GPR161: variants seen among roughly 807,000 people sequenced by gnomAD.
GPR161 encodes the protein G-protein coupled receptor RE2.
A neutral mutation model predicts 39.2 loss-of-function variants in GPR161; 25 were observed. The observed-to-expected ratio is 0.64, with a 90% CI of 0.47 to 0.89. The LOEUF is 0.89. GPR161 is among the 40% of genes least tolerant of loss of function. GPR161 has a pLI of 0.00. For missense variants in GPR161, 547 were observed against 677.8 expected (o/e 0.81, Z 2.14); for synonymous variants, 286 against 276.6 (o/e 1.03, Z -0.34).
chr1:168,132,351 G>T (rs980784213), intron 1 of GPR161, among the ~76,000 whole-genome samples: 2 of 152,000 alleles, frequency 1.3e-5, no homozygotes, highest in Non-Finnish European at 2.9e-5. Flanking sequence ...ACTTTGGGAG[G>T]TCGAGGCGGG....
At chr1:168,137,494 G>T, upstream of GPR161, 1 of 1,034,656 alleles carries the variant, frequency 9.7e-7, no homozygotes, top group Non-Finnish European at 1.4e-6. Flanking sequence ...AGCCAGCCCC[G>T]GGGAGTGGGG....
At chr1:168,087,860 C>G (rs531117794) in intron 4 of GPR161, 156 bp from the exon 5 acceptor site, 1 of 661,448 alleles carries the variant, frequency 1.5e-6, no homozygotes, top group African/African-American at 1.9e-5. Context: ...CCAAGAAACA[C>G]CCGCCTGTCA....
At position 168,096,340 on chromosome 1, in the gene GPR161, C is replaced by G. The variant is rs542706684; in HGVS notation, c.1099+168G>C. ...GAGCTACTGAGTGACAGGAAGCTCC[C>G]TGGCAATCACAGCGGAGCCTCTGGA... On this transcript the variant is annotated intron_variant, in intron 3 of 5. Coordinates refer to ENST00000682931, the MANE Select transcript of GPR161 (RefSeq NM_001375883.1). Among the ~76,000 whole-genome samples, 121 of 152,200 alleles carry G rather than the reference C, an allele frequency of 8.0e-4. No individual in the cohort carries two copies. In the Middle Eastern group the frequency reaches 0.01, roughly 13 times the overall value.
intron 1 of GPR161, among the ~76,000 whole-genome samples, chr1:168,110,268 C>T (rs56817881): frequency 0.029 from 4,391 of 151,978 alleles, 205 homozygotes; most frequent in African/African-American, 0.1. Context: ...CTCTGGGAGG[C>T]CGAAGCAGGC....
intron 5 of GPR161, among the ~76,000 whole-genome samples, chr1:168,087,334 G>GGTGTGTGT (rs142900649): frequency 0.029 from 4,297 of 148,742 alleles, 207 homozygotes; most frequent in African/African-American, 0.099. Context: ...AACACGTGTG[G>GGTGTGTGT]GTGTGTGTGT....
chr1:168,083,474 T>G lies in GPR161; in HGVS notation c.*2057A>C, dbSNP rs1482680571. 2.0e-5 allele frequency: 3 copies of G among 152,292 alleles called. No individual in the cohort carries two copies. The highest frequency in any genetic ancestry group is 2.0e-4 in the Admixed American group (3 of 15,284). 9.4% of individuals were successfully genotyped at this position (152,292 alleles called of 1,614,324 possible). A position where few individuals can be genotyped will look rare whatever the true frequency, so the allele number is the denominator to read the frequency against. On this transcript the variant is annotated 3_prime_UTR_variant, in exon 6 of 6. Transcript: ENST00000682931. ...CCTACACCTAACCAGCAACCCATCC[T>G]AGAGATAAAGGTCTCTCTGCCCTGT...
At chr1:168,132,213 C>T (rs138812999) in intron 1 of GPR161, among the ~76,000 whole-genome samples, 3,631 of 151,832 alleles carry the variant, frequency 0.024, 139 homozygotes, top group African/African-American at 0.081. Flanking sequence ...TGCAGTGAGC[C>T]GAGATCATGC....
chr1:168,137,409 C>A, upstream of GPR161: 1 of 1,534,892 alleles, frequency 6.5e-7, no homozygotes, highest in Non-Finnish European at 8.7e-7. Context: ...ATCCAGCCGA[C>A]GGGCACGAGC....
In GPR161 at chr1:168,083,021, C is replaced by T. The variant is rs1347319065; in HGVS notation, c.*2510G>A. On this transcript the variant is annotated 3_prime_UTR_variant, in exon 6 of 6. Coordinates refer to ENST00000682931, the MANE Select transcript of GPR161 (RefSeq NM_001375883.1). ...CAAACTGTCACTTACCTCATGGAGC[C>T]ATCCCTAACTCCATATTTGGAAATA... The T allele has an allele frequency of 2.0e-5, 3 of 152,194 alleles. No homozygotes were observed. The highest frequency in any genetic ancestry group is 7.2e-5 in the African/African-American group (3 of 41,438). The allele number at this position is 152,194 out of a possible 1,614,324, so 9.4% of individuals were successfully genotyped here. A position where few individuals can be genotyped will look rare whatever the true frequency, so the allele number is the denominator to read the frequency against.
intron 1 of GPR161, chr1:168,135,988 G>A: frequency 8.4e-7 from 1 of 1,189,744 alleles, no homozygotes; most frequent in Non-Finnish European, 1.0e-6. Flanking sequence ...CCTCCGGGAA[G>A]CACAGGACAC....
At chr1:168,126,125 T>C (rs1698569520) in intron 1 of GPR161, among the ~76,000 whole-genome samples, 1 of 152,226 alleles carries the variant, frequency 6.6e-6, no homozygotes, top group South Asian at 2.1e-4. Context: ...TCAAATTCCT[T>C]GTTTATGTTG....
intron 2 of GPR161, among the ~76,000 whole-genome samples, chr1:168,100,767 C>A (rs1000641048): frequency 6.6e-6 from 1 of 152,252 alleles, no homozygotes; most frequent in Non-Finnish European, 1.5e-5. Context: ...ATTGTTCTAG[C>A]TACTTTCATG....
chr1:168,126,908 A>G (rs1558138601), intron 1 of GPR161, among the ~76,000 whole-genome samples: 1 of 152,204 alleles, frequency 6.6e-6, no homozygotes, highest in African/African-American at 2.4e-5. Context: ...CTTAAACCTG[A>G]TATCGAATAG....
intron 1 of GPR161, among the ~76,000 whole-genome samples, chr1:168,106,395 C>T (rs2102179039): frequency 6.6e-6 from 1 of 152,260 alleles, no homozygotes; most frequent in South Asian, 2.1e-4. Context: ...GAGAGCAAGC[C>T]CGGGCAACGT....
At chr1:168,113,650 C>T (rs748170428) in intron 1 of GPR161, among the ~76,000 whole-genome samples, 31 of 152,116 alleles carry the variant, frequency 2.0e-4, no homozygotes, top group Admixed American at 1.5e-3. Flanking sequence ...ATATTATGTA[C>T]ACATAAAAAA....
At chr1:168,136,301 C>T in intron 1 of GPR161, 1 of 1,476,958 alleles carries the variant, frequency 6.8e-7, no homozygotes, top group Non-Finnish European at 9.0e-7. Flanking sequence ...CGCTTCTCCC[C>T]ACACCCTTTG....
rs373399666 is a variant in GPR161 at position 168,085,676 on chromosome 1, T to G, written c.1445A>C (p.Glu482Ala). Reference sequence around the variant, plus strand: ...TGTAACCAAGACCCCTGGCAAAGCCTCCTCCCCAAATAAGTTGATTTTGGC... The same window carrying G: ...TGTAACCAAGACCCCTGGCAAAGCCGCCTCCCCAAATAAGTTGATTTTGGC... ...AEAKINLFGE[E>A]ALPGVLVTAR... The change falls in exon 6 of 6, where the codon GAG (glutamate) becomes GCG (alanine). Residue 482 changes from glutamate (E) to alanine (A), a missense_variant. Glu to Ala is a moderately radical substitution (Grantham distance 107, BLOSUM62 -1). Coordinates refer to ENST00000682931, the MANE Select transcript of GPR161 (RefSeq NM_001375883.1). 77 of 1,614,060 alleles carry G rather than the reference T, an allele frequency of 4.8e-5. No homozygotes were observed. The highest frequency in any genetic ancestry group is 5.5e-5 in the Non-Finnish European group (65 of 1,180,034).
chr1:168,136,556 T>A, intron 1 of GPR161, 183 bp downstream of exon 1: 1 of 1,254,654 alleles, frequency 8.0e-7, no homozygotes, highest in Non-Finnish European at 1.0e-6. Flanking sequence ...CAAGGCGCAG[T>A]GCGGGCGGAG....
intron 2 of GPR161, among the ~76,000 whole-genome samples, chr1:168,101,869 T>C (rs1352748827): frequency 6.6e-6 from 1 of 152,060 alleles, no homozygotes; most frequent in Non-Finnish European, 1.5e-5. Context: ...TGCAATGGCA[T>C]GATCTCGGCT....
Sources: allele counts gnomAD v4.1 joint callset (sites outside exome capture counted in the v4.1 genomes callset), GRCh38; gene constraint gnomAD v4.1.1; transcripts MANE v1.5; gene names NCBI Gene and HGNC (gene_info 2026-07-23, HGNC 2026-07-21).